PTPN4: variants seen among roughly 807,000 people sequenced by gnomAD.
PTPN4 encodes protein tyrosine phosphatase non-receptor type 4, also known as tyrosine-protein phosphatase non-receptor type 4.
A neutral mutation model predicts 135.5 loss-of-function variants in PTPN4; 49 were observed. The observed-to-expected ratio is 0.36, with a 90% CI of 0.29 to 0.46. The LOEUF (loss-of-function observed/expected upper bound fraction) is 0.46. PTPN4 is among the 20% of genes least tolerant of loss of function. The probability of loss-of-function intolerance (pLI) is 1.00; values close to 1 mark genes in which losing one functional copy is unlikely to be tolerated. For missense variants in PTPN4, 860 were observed against 1,101.0 expected, an observed-to-expected ratio of 0.78 and a Z score of 3.10; for synonymous variants, 333 against 369.9, an observed-to-expected ratio of 0.90 and a Z score of 1.14.
chr2:119,818,954 T>G (rs557868699), intron 2 of PTPN4, among the ~76,000 whole-genome samples: 1 of 152,296 alleles, frequency 6.6e-6, no homozygotes, highest in Admixed American at 6.5e-5. Flanking sequence ...TAACAGCTAT[T>G]TTCTCCTAGA....
At chr2:119,873,536 G>T (rs1005924745) in intron 3 of PTPN4, among the ~76,000 whole-genome samples, 1 of 152,148 alleles carries the variant, frequency 6.6e-6, no homozygotes, top group African/African-American at 2.4e-5. Flanking sequence ...GCTTTGAAAA[G>T]ATTAGAAACC....
intron 10 of PTPN4, among the ~76,000 whole-genome samples, chr2:119,909,740 G>A (rs559772100): frequency 6.6e-6 from 1 of 152,266 alleles, no homozygotes; most frequent in South Asian, 2.1e-4. Context: ...ATGATTCATG[G>A]TAGAAGGTCA....
At chr2:119,772,354 T>C (rs1690751255) in intron 1 of PTPN4, among the ~76,000 whole-genome samples, 2 of 152,200 alleles carry the variant, frequency 1.3e-5, no homozygotes, top group Non-Finnish European at 2.9e-5. Flanking sequence ...CATAATTGTT[T>C]ATGAAAAGAA....
intron 9 of PTPN4, 73 bp from the exon 10 acceptor site, chr2:119,900,645 C>T: frequency 1.1e-6 from 1 of 935,164 alleles, no homozygotes. Flanking sequence ...AAATAGAATC[C>T]TATTTTTAAA....
At chr2:119,927,675 A>G (rs564333727) in intron 13 of PTPN4, among the ~76,000 whole-genome samples, 1 of 152,316 alleles carries the variant, frequency 6.6e-6, no homozygotes, top group African/African-American at 2.4e-5. Flanking sequence ...CAGGTGTGTT[A>G]GAGACAAGAG....
intron 19 of PTPN4, among the ~76,000 whole-genome samples, chr2:119,953,238 G>T (rs1366540349): frequency 1.3e-5 from 2 of 152,142 alleles, no homozygotes; most frequent in East Asian, 3.9e-4. Context: ...AATAATTATT[G>T]TTAATGCCAT....
chr2:119,894,226 G>T (rs960725486), intron 9 of PTPN4, among the ~76,000 whole-genome samples: 2 of 152,018 alleles, frequency 1.3e-5, no homozygotes, highest in Non-Finnish European at 2.9e-5. Context: ...AAGACTTTTC[G>T]ACAGATCCAT....
chr2:119,801,202 C>T (rs1336192456), intron 1 of PTPN4, among the ~76,000 whole-genome samples: 1 of 152,170 alleles, frequency 6.6e-6, no homozygotes, highest in East Asian at 1.9e-4. Flanking sequence ...ATTCTCCTGC[C>T]TTAGCCTACT....
At chr2:119,836,248 G>C (rs894568785) in intron 2 of PTPN4, among the ~76,000 whole-genome samples, 2 of 152,174 alleles carry the variant, frequency 1.3e-5, no homozygotes, top group Non-Finnish European at 1.5e-5. Flanking sequence ...GTTAAAGCTA[G>C]GAGCCCAGAT....
intron 1 of PTPN4, among the ~76,000 whole-genome samples, chr2:119,760,873 A>G (rs1690479035): frequency 6.6e-4 from 2 of 3,030 alleles, no homozygotes; most frequent in African/African-American, 8.0e-4. Flanking sequence ...AGTTGAGCCA[A>G]AAAAAAAAAA....
chr2:119,794,161 A>G (rs891928505), intron 1 of PTPN4, among the ~76,000 whole-genome samples: 2 of 151,664 alleles, frequency 1.3e-5, no homozygotes, highest in African/African-American at 4.8e-5. Flanking sequence ...TTTTTTTTTA[A>G]CAGCTTTGTT....
chr2:119,885,734 T>A, intron 8 of PTPN4, 61 bp from the exon 9 acceptor site: 1 of 1,200,138 alleles, frequency 8.3e-7, no homozygotes, highest in Non-Finnish European at 1.2e-6. Flanking sequence ...TTTTTCTAAT[T>A]TAGCCATATT....
chr2:119,901,169 C>T (rs910559064), intron 10 of PTPN4, among the ~76,000 whole-genome samples: 1 of 152,130 alleles, frequency 6.6e-6, no homozygotes. Context: ...CCAATTTAGA[C>T]CCCTCCTGCT....
intron 1 of PTPN4, chr2:119,791,020 A>T (rs1361629238): frequency 6.6e-6 from 1 of 152,142 alleles, no homozygotes; most frequent in African/African-American, 2.4e-5. Context: ...AAGCCCATCA[A>T]CGTTGTATTG....
intron 10 of PTPN4, among the ~76,000 whole-genome samples, chr2:119,904,047 A>G (rs1678448587): frequency 6.6e-6 from 1 of 152,264 alleles, no homozygotes; most frequent in African/African-American, 2.4e-5. Flanking sequence ...TAAAATTGGA[A>G]GAAGCACCTG....
intron 1 of PTPN4, among the ~76,000 whole-genome samples, chr2:119,772,325 G>A (rs907565875): frequency 2.0e-5 from 3 of 152,084 alleles, no homozygotes; most frequent in African/African-American, 7.2e-5. Flanking sequence ...CTATTTTTAT[G>A]GCTTTTGATC....
At chr2:119,907,777 T>C (rs948336159) in intron 10 of PTPN4, among the ~76,000 whole-genome samples, 24 of 152,072 alleles carry the variant, frequency 1.6e-4, no homozygotes, top group African/African-American at 5.5e-4. Flanking sequence ...CAGAACAGAA[T>C]AGAGAACATA....
chr2:119,817,658 G>A (rs534096847), intron 2 of PTPN4, among the ~76,000 whole-genome samples: 13 of 152,024 alleles, frequency 8.6e-5, no homozygotes, highest in African/African-American at 2.7e-4. Flanking sequence ...GCTCTTCTTC[G>A]GCTTCATATG....
At chr2:119,769,350 C>A (rs574717642) in intron 1 of PTPN4, among the ~76,000 whole-genome samples, 1 of 152,142 alleles carries the variant, frequency 6.6e-6, no homozygotes, top group African/African-American at 2.4e-5. Flanking sequence ...TGTGTTCAGG[C>A]GAGCTGCCTG....
Sources: gnomAD v4.1 joint callset for allele counts (sites outside exome capture counted in the v4.1 genomes callset) on GRCh38, gnomAD v4.1.1 for gene constraint, MANE v1.5 for transcripts, NCBI Gene and HGNC (gene_info 2026-07-23, HGNC 2026-07-21) for gene names.